Variants in ZNF423 observed in about 807,000 individuals in gnomAD.
ZNF423 encodes Ebf-associated zinc finger protein.
In ZNF423, 12 loss-of-function variants were observed where a neutral mutation model predicts 95.8. The ratio of observed to expected loss-of-function variants is 0.13; its 90% CI spans 0.08 to 0.20. The LOEUF (loss-of-function observed/expected upper bound fraction) is 0.20. ZNF423 is among the 10% of genes least tolerant of loss of function. The pLI, the probability that ZNF423 is intolerant of heterozygous loss-of-function variation, is 1.00. For missense variants in ZNF423, 1,316 were observed against 1,737.1 expected (o/e 0.76, Z 4.31); for synonymous variants, 749 against 711.9 (o/e 1.05, Z -0.83).
intron 4 of ZNF423, among the ~76,000 whole-genome samples, chr16:49,632,134 G>T (rs1455273370): frequency 6.6e-6 from 1 of 152,176 alleles, no homozygotes; most frequent in Non-Finnish European, 1.5e-5. Context: ...GATGGCCAGG[G>T]TCTGCCCGTG....
chr16:49,828,217 G>A (rs141324517), intron 1 of ZNF423, among the ~76,000 whole-genome samples: 1 of 152,232 alleles, frequency 6.6e-6, no homozygotes, highest in East Asian at 1.9e-4. Flanking sequence ...ACCACTTACG[G>A]GAGGCTCAGC....
chr16:49,700,218 CAAGAAG>C (rs1174840870), intron 3 of ZNF423, among the ~76,000 whole-genome samples: 16 of 119,626 alleles, frequency 1.3e-4, no homozygotes, highest in Non-Finnish European at 2.9e-4. Context: ...AAAAAAAAAA[CAAGAAG>C]AAGAAGAAGA....
chr16:49,839,197 C>T (rs1049708291), intron 1 of ZNF423, among the ~76,000 whole-genome samples: 2 of 151,754 alleles, frequency 1.3e-5, no homozygotes, highest in African/African-American at 4.8e-5. Context: ...AAGGCAACTG[C>T]GCAATCGGAC....
chr16:49,771,128 G>A (rs1279342826), intron 2 of ZNF423, among the ~76,000 whole-genome samples: 2 of 151,686 alleles, frequency 1.3e-5, no homozygotes, highest in East Asian at 1.9e-4. Context: ...GATGGAGACT[G>A]GTATCATTTG....
intron 1 of ZNF423, among the ~76,000 whole-genome samples, chr16:49,803,910 C>T (rs758942770): frequency 6.8e-6 from 1 of 148,070 alleles, no homozygotes; most frequent in Non-Finnish European, 1.5e-5. Flanking sequence ...GGTGGGGAAC[C>T]GGCCCAGGGC....
chr16:49,689,557 C>T (rs2031700425), intron 3 of ZNF423, among the ~76,000 whole-genome samples: 1 of 152,178 alleles, frequency 6.6e-6, no homozygotes. Flanking sequence ...CCGTGACCTC[C>T]AGGAGGTCGA....
At chr16:49,672,375 G>A (rs1330410337) in intron 3 of ZNF423, among the ~76,000 whole-genome samples, 6 of 152,154 alleles carry the variant, frequency 3.9e-5, no homozygotes, top group Non-Finnish European at 1.5e-5. Context: ...TTCCCAGAGA[G>A]GAAAGTGAGG....
Position 49,636,453 on chromosome 16 carries a change from A to G in ZNF423, c.2723T>C (p.Leu908Pro). The G allele has an allele frequency of 6.2e-7, 1 of 1,613,474 alleles. No individual in the cohort carries two copies. Among genetic ancestry groups the G allele is most frequent in the Non-Finnish European group, 8.5e-7 (1 of 1,180,012 alleles). The change falls in exon 4 of 8, where the codon CTG becomes CCG. Residue 908 changes from leucine to proline, a missense_variant. Coordinates refer to ENST00000563137, the MANE Select transcript of ZNF423 (RefSeq NM_001379286.1). The surrounding 1 kb of genome is among the most constrained non-coding windows in gnomAD (Gnocchi z 8.6). The stretch of plus-strand genomic sequence containing the variant: ...GTCCCGCAGCCGGTGATTCTGCAGC[A>G]GCACCTCCATGGTGTAGGCCGCCCC... ...ICGAAYTMEV[L>P]LQNHRLRDHN...
At chr16:49,807,160 G>A (rs1040021762) in intron 1 of ZNF423, among the ~76,000 whole-genome samples, 4 of 150,678 alleles carry the variant, frequency 2.7e-5, no homozygotes, top group Admixed American at 6.6e-5. Context: ...GGCCGGGGGC[G>A]GTGGCTCACG....
intron 7 of ZNF423, among the ~76,000 whole-genome samples, chr16:49,495,144 G>C (rs868348960): frequency 3.9e-5 from 6 of 152,314 alleles, no homozygotes; most frequent in African/African-American, 1.4e-4. Flanking sequence ...ACACAGGTGT[G>C]GGCCAGAGAA....
intron 3 of ZNF423, among the ~76,000 whole-genome samples, chr16:49,657,087 G>A (rs917838798): frequency 4.6e-5 from 7 of 152,206 alleles, no homozygotes; most frequent in African/African-American, 2.4e-5. Context: ...GTGGCCTCCC[G>A]TGGAGCCCAG....
chr16:49,847,999 G>C (rs1380544093), intron 1 of ZNF423, among the ~76,000 whole-genome samples: 1 of 152,050 alleles, frequency 6.6e-6, no homozygotes, highest in African/African-American at 2.4e-5. Flanking sequence ...AGCTACTCGG[G>C]AGACTGAGGT....
Position 49,638,168 on chromosome 16 carries a change from G to A in ZNF423, c.1008C>T (p.Cys336=). The change falls in exon 4 of 8, where the codon TGC becomes TGT. Residue 336 remains cysteine, a synonymous_variant. Coordinates refer to ENST00000563137, the MANE Select transcript of ZNF423 (RefSeq NM_001379286.1). The surrounding 1 kb of genome is among the most constrained non-coding windows in gnomAD (Gnocchi z 5.6). ...CTTCCACTGAGGAGAACTGCTCAGG[G>A]CACATGGGGCACTTGTGTTTCTGGT... The part of the protein sequence containing the change: ...HANQKHKCPM[C]PEQFSSVEGV... 1 of 1,609,176 alleles carries A rather than the reference G, an allele frequency of 6.2e-7. No homozygotes were observed. Among genetic ancestry groups the A allele is most frequent in the African/African-American group, 1.3e-5 (1 of 75,046 alleles).
chr16:49,853,974 C>T, intron 1 of ZNF423: 1 of 985,376 alleles, frequency 1.0e-6, no homozygotes, highest in Non-Finnish European at 1.2e-6. Context: ...TCTTCTGGGT[C>T]GCCTCTTAAG....
At chr16:49,567,139 A>G (rs531279099) in intron 5 of ZNF423, among the ~76,000 whole-genome samples, 65 of 152,344 alleles carry the variant, frequency 4.3e-4, no homozygotes, top group Admixed American at 3.7e-3. Flanking sequence ...AGAAAGGAAC[A>G]GAGACTTGCC....
At chr16:49,669,399 C>A (rs1257479589) in intron 3 of ZNF423, among the ~76,000 whole-genome samples, 1 of 152,156 alleles carries the variant, frequency 6.6e-6, no homozygotes, top group Non-Finnish European at 1.5e-5. Context: ...CACATGGCGA[C>A]CCTAGAGGCC....
rs1567373398 is a variant in ZNF423 at position 49,855,101 on chromosome 16, G to C, written c.40+634C>G. On this transcript the variant is annotated intron_variant, in intron 1 of 7. Transcript: ENST00000563137. The surrounding 1 kb of genome is among the most constrained non-coding windows in gnomAD (Gnocchi z 4.7). ...TGGGCCTCGGTGGAGGAGGCAGGAA[G>C]TGCAGGGGCCCGGGCCGGGAGAAGG... 4 of 955,036 alleles carry C rather than the reference G, an allele frequency of 4.2e-6. No homozygotes were observed. The highest frequency in any genetic ancestry group is 5.0e-6 in the Non-Finnish European group (4 of 802,876). 59.2% of individuals were successfully genotyped at this position (955,036 alleles called of 1,614,324 possible).
chr16:49,819,411 A>G (rs1168200519), intron 1 of ZNF423, among the ~76,000 whole-genome samples: 1 of 152,104 alleles, frequency 6.6e-6, no homozygotes, highest in Non-Finnish European at 1.5e-5. Context: ...TCTAGACTCT[A>G]GAGCACATGT....
chr16:49,583,916 C>T (rs766548065), intron 5 of ZNF423, among the ~76,000 whole-genome samples: 6 of 152,146 alleles, frequency 3.9e-5, no homozygotes, highest in Non-Finnish European at 8.8e-5. Context: ...GAGCTAGGGG[C>T]AGGAGGAAGT....
Sources: gnomAD v4.1 joint callset for allele counts (sites outside exome capture counted in the v4.1 genomes callset) on GRCh38, gnomAD v4.1.1 for gene constraint, Gnocchi (gnomAD v3.1) non-coding constraint, MANE v1.5 for transcripts, NCBI Gene and HGNC (gene_info 2026-07-23, HGNC 2026-07-21) for gene names.